Variants in COL13A1 observed in about 807,000 individuals in gnomAD.
COL13A1 encodes the protein collagen alpha-1(XIII) chain.
In COL13A1, 89 loss-of-function variants were observed where a neutral mutation model predicts 130.9. That is an observed-to-expected ratio of 0.68 (90% CI 0.57 to 0.81). COL13A1 has a LOEUF of 0.81. Ranked by LOEUF, COL13A1 falls within the 30% of genes least tolerant of loss-of-function variation. The pLI is 0.00. For synonymous variants in COL13A1, 402 were observed against 341.6 expected, an observed-to-expected ratio of 1.18 and a Z score of -1.95; for missense variants, 879 against 934.6, an observed-to-expected ratio of 0.94 and a Z score of 0.78.
chr10:69,937,723 C>G lies in COL13A1; in HGVS notation c.1878+8C>G. ...GGTCCCCTGGGACTACCCGTAAGTA[C>G]CTTGGACCCAGCAAGACTGGTGGGT... On this transcript the variant is annotated splice_region_variant and intron_variant, in intron 34 of 40. Coordinates refer to ENST00000645393, the MANE Select transcript of COL13A1 (RefSeq NM_001368882.1). The G allele has an allele frequency of 7.2e-7, 1 of 1,393,354 alleles. No individual in the cohort carries two copies. Among genetic ancestry groups the G allele is most frequent in the East Asian group, 2.3e-5 (1 of 43,862 alleles). 86.3% of individuals were successfully genotyped at this position (1,393,354 alleles called of 1,614,324 possible).
At chr10:69,942,916 T>C (rs10999032) in intron 35 of COL13A1, among the ~76,000 whole-genome samples, 16,837 of 152,246 alleles carry the variant, frequency 0.11, 1,042 homozygotes, top group Middle Eastern at 0.26. Context: ...GGCGCAATCT[T>C]GGCTCACTGC....
chr10:69,864,535 G>A (rs1393556863), intron 2 of COL13A1, among the ~76,000 whole-genome samples: 2 of 152,168 alleles, frequency 1.3e-5, no homozygotes, highest in Non-Finnish European at 2.9e-5. Context: ...AAAAAATGAA[G>A]TTTTCCTTCC....
intron 2 of COL13A1, among the ~76,000 whole-genome samples, chr10:69,830,904 G>A (rs1018249804): frequency 1.4e-4 from 21 of 151,932 alleles, no homozygotes; most frequent in Non-Finnish European, 2.2e-4. Context: ...ATTTTCGCCC[G>A]CCCTCCGACC....
At chr10:69,932,783 C>G in intron 31 of COL13A1, among the ~76,000 whole-genome samples, 179 bp downstream of exon 31, 1 of 152,174 alleles carries the variant, frequency 6.6e-6, no homozygotes, top group East Asian at 1.9e-4. Context: ...CATCTCTCAG[C>G]AACCTTCACA....
intron 21 of COL13A1, among the ~76,000 whole-genome samples, chr10:69,921,651 T>C (rs1179815240): frequency 1.3e-5 from 2 of 152,084 alleles, no homozygotes; most frequent in South Asian, 4.2e-4. Flanking sequence ...CCGGGCCACA[T>C]GGGAATAAGG....
At chr10:69,929,263 A>G (rs1020121130) in intron 28 of COL13A1, among the ~76,000 whole-genome samples, 3 of 151,564 alleles carry the variant, frequency 2.0e-5, no homozygotes, top group African/African-American at 7.3e-5. Context: ...CCTTGCCCCA[A>G]CCAGACCCAC....
chr10:69,952,062 T>A (rs2069654718), intron 38 of COL13A1, among the ~76,000 whole-genome samples: 1 of 152,240 alleles, frequency 6.6e-6, no homozygotes, highest in Non-Finnish European at 1.5e-5. Context: ...AAAAATGATG[T>A]TTACTGTAGC....
chr10:69,956,091 G>C (rs533043651), intron 39 of COL13A1: 1 of 152,328 alleles, frequency 6.6e-6, no homozygotes, highest in South Asian at 2.1e-4. Context: ...GAAGCCCCAT[G>C]TCCATCTCCT....
intron 17 of COL13A1, among the ~76,000 whole-genome samples, chr10:69,911,975 G>T (rs550079290): frequency 2.0e-5 from 3 of 152,188 alleles, no homozygotes; most frequent in Non-Finnish European, 4.4e-5. Flanking sequence ...TGAGTGCTCC[G>T]TGCAGATGGA....
intron 26 of COL13A1, 68 bp from the exon 27 acceptor site, chr10:69,927,019 T>C: frequency 2.5e-6 from 4 of 1,607,542 alleles, no homozygotes; most frequent in Non-Finnish European, 2.6e-6. Context: ...TCCATGACTG[T>C]GCAGTGAGAA....
intron 35 of COL13A1, among the ~76,000 whole-genome samples, chr10:69,943,464 C>T (rs1047450290): frequency 1.3e-5 from 2 of 152,224 alleles, no homozygotes; most frequent in African/African-American, 4.8e-5. Context: ...AAGCCGTGAG[C>T]TCCAATGGCT....
At chr10:69,885,064 G>A (rs908455143) in intron 7 of COL13A1, among the ~76,000 whole-genome samples, 17 of 152,130 alleles carry the variant, frequency 1.1e-4, no homozygotes, top group Admixed American at 5.9e-4. Context: ...TCCAACGAGC[G>A]AAATACTTAG....
At chr10:69,827,557 C>A (rs1847791805) in intron 2 of COL13A1, among the ~76,000 whole-genome samples, 1 of 152,176 alleles carries the variant, frequency 6.6e-6, no homozygotes, top group African/African-American at 2.4e-5. Flanking sequence ...AATTTGTATT[C>A]TAGAACAATA....
At chr10:69,816,728 G>T (rs118119484) in intron 1 of COL13A1, among the ~76,000 whole-genome samples, 2 of 152,246 alleles carry the variant, frequency 1.3e-5, no homozygotes, top group Admixed American at 6.5e-5. Flanking sequence ...AGGAAGAAGG[G>T]GGGTGAGCAA....
intron 1 of COL13A1, among the ~76,000 whole-genome samples, chr10:69,815,722 A>ATG (rs1342590347): frequency 2.6e-5 from 4 of 152,166 alleles, no homozygotes; most frequent in African/African-American, 9.7e-5. Context: ...CCAGAACTGG[A>ATG]TGTGAAATCT....
intron 23 of COL13A1, 26 bp from the exon 24 acceptor site, chr10:69,923,776 C>T (rs1347317423): frequency 6.2e-7 from 1 of 1,604,088 alleles, no homozygotes; most frequent in African/African-American, 1.3e-5. Flanking sequence ...AGCATGCCCT[C>T]ATCCCAACTC....
At chr10:69,894,600 T>C in intron 11 of COL13A1, 22 bp downstream of exon 11, 1 of 1,613,992 alleles carries the variant, frequency 6.2e-7, no homozygotes, top group East Asian at 2.2e-5. Context: ...ATCCATCTAT[T>C]TCCCAGCAGA....
At chr10:69,863,266 T>C (rs559418818) in intron 2 of COL13A1, among the ~76,000 whole-genome samples, 1 of 152,268 alleles carries the variant, frequency 6.6e-6, no homozygotes, top group Non-Finnish European at 1.5e-5. Context: ...CCAGACATTG[T>C]CAACTATCCT....
intron 34 of COL13A1, among the ~76,000 whole-genome samples, chr10:69,940,090 G>T (rs1346583504): frequency 2.0e-5 from 3 of 152,128 alleles, no homozygotes; most frequent in Non-Finnish European, 4.4e-5. Flanking sequence ...TTTCCTGGGT[G>T]GGTTTCAGAG....
Sources: allele counts gnomAD v4.1 joint callset (sites outside exome capture counted in the v4.1 genomes callset), GRCh38; gene constraint gnomAD v4.1.1; transcripts MANE v1.5; gene names NCBI Gene and HGNC (gene_info 2026-07-23, HGNC 2026-07-21).